The following ZNF423 variants were observed in gnomAD, a reference collection of about 807,000 sequenced individuals.
ZNF423 encodes the protein Ebf-associated zinc finger protein.
ZNF423 carries 12 observed loss-of-function variants against 95.8 expected under a neutral mutation model. The observed-to-expected ratio is 0.13, with a 90% confidence interval of 0.08 to 0.20. ZNF423 has a LOEUF of 0.20. ZNF423 is among the 10% of genes least tolerant of loss of function. ZNF423 has a pLI of 1.00. For synonymous variants in ZNF423, 749 were observed against 711.9 expected (o/e 1.05, Z -0.83); for missense variants, 1,316 against 1,737.1 (o/e 0.76, Z 4.31).
At chr16:49,849,749 TA>T (rs1422239840) in intron 1 of ZNF423, among the ~76,000 whole-genome samples, 1 of 152,108 alleles carries the variant, frequency 6.6e-6, no homozygotes, top group Non-Finnish European at 1.5e-5. Flanking sequence ...ATTATATCTT[TA>T]AAAAGAGAAT....
Position 49,640,456 on chromosome 16 carries a change from A to G in ZNF423, c.302-1582T>C, listed in dbSNP as rs534751908. On this transcript the variant is annotated intron_variant, in intron 3 of 7. Coordinates refer to ENST00000563137, the MANE Select transcript of ZNF423 (RefSeq NM_001379286.1). ...CACATCACAGACCTGTGGTTTCCCT[A>G]CAAGGCTCTCCACACAAGCTGCCTC... Among the ~76,000 whole-genome samples the G allele has an allele frequency of 1.2e-4, 19 of 152,150 alleles. 1 individual carries two copies. In the South Asian group the frequency reaches 3.7e-3, roughly 30 times the overall value.
chr16:49,803,581 G>T (rs558344022), intron 1 of ZNF423, among the ~76,000 whole-genome samples: 5 of 152,198 alleles, frequency 3.3e-5, no homozygotes, highest in East Asian at 3.9e-4. Context: ...AGAAGTCTGC[G>T]CTAGGTAGCA....
chr16:49,833,147 C>G (rs2144063872), intron 1 of ZNF423, among the ~76,000 whole-genome samples: 1 of 152,348 alleles, frequency 6.6e-6, no homozygotes, highest in Non-Finnish European at 1.5e-5. Flanking sequence ...GGTCCACGCA[C>G]AAGCTTGGGG....
At chr16:49,809,841 C>T (rs932332001) in intron 1 of ZNF423, among the ~76,000 whole-genome samples, 2 of 152,068 alleles carry the variant, frequency 1.3e-5, no homozygotes, top group Non-Finnish European at 2.9e-5. Flanking sequence ...AGGGTCCACC[C>T]GGGAGCTCTT....
chr16:49,787,963 A>T (rs2034344450), intron 2 of ZNF423, among the ~76,000 whole-genome samples: 1 of 152,166 alleles, frequency 6.6e-6, no homozygotes, highest in Non-Finnish European at 1.5e-5. Context: ...ACGGCGCCTT[A>T]TGGCCTTGCT....
At chr16:49,537,018 C>T (rs1176238027) in intron 5 of ZNF423, among the ~76,000 whole-genome samples, 5 of 152,330 alleles carry the variant, frequency 3.3e-5, no homozygotes, top group Middle Eastern at 3.4e-3. Flanking sequence ...ACACCTCAGC[C>T]CTTTTGCTGT....
chr16:49,857,364 G>C (rs1033115963), upstream of ZNF423, among the ~76,000 whole-genome samples: 1 of 150,912 alleles, frequency 6.6e-6, no homozygotes, highest in African/African-American at 2.4e-5. This position sits in a 1 kb window ranked among gnomAD's most constrained non-coding sequence, Gnocchi z 6.2. Context: ...ACCAGCACGC[G>C]GGGCCGGGGC....
intron 5 of ZNF423, among the ~76,000 whole-genome samples, chr16:49,532,039 G>A (rs1355648307): frequency 1.3e-5 from 2 of 152,248 alleles, no homozygotes; most frequent in South Asian, 2.1e-4. Context: ...CCGAAGCTGG[G>A]TTTGGGAGCT....
intron 1 of ZNF423, among the ~76,000 whole-genome samples, chr16:49,821,938 A>G (rs1054872840): frequency 1.3e-5 from 2 of 152,152 alleles, no homozygotes; most frequent in African/African-American, 2.4e-5. Context: ...GATGCATTCA[A>G]TGCCTCCAGT....
intron 1 of ZNF423, among the ~76,000 whole-genome samples, chr16:49,822,232 G>A (rs1294566356): frequency 1.3e-5 from 2 of 150,840 alleles, no homozygotes; most frequent in Non-Finnish European, 2.9e-5. Flanking sequence ...GGAGTGCAGT[G>A]GCGTGATTTC....
rs1314930632 is a variant in ZNF423 at position 49,855,446 on chromosome 16, GGCCTGGGTCCCCCAA to G, written c.40+274_40+288del. ...CAAGGGCCCCTTAGCGGCGCCCCCA[GGCCTGGGTCCCCCAA>G]GGGCGACGGCGCCGAGTCCGGGCAG... On this transcript the variant is annotated intron_variant, in intron 1 of 7. Coordinates refer to ENST00000563137, the MANE Select transcript of ZNF423 (RefSeq NM_001379286.1). This position sits in a 1 kb window ranked among gnomAD's most constrained non-coding sequence, Gnocchi z 4.7. Among the ~76,000 whole-genome samples the G allele has an allele frequency of 6.6e-6, 1 of 151,100 alleles. No homozygotes were observed. The highest frequency in any genetic ancestry group is 6.6e-5 in the Admixed American group (1 of 15,194).
intron 3 of ZNF423, among the ~76,000 whole-genome samples, chr16:49,660,245 C>T (rs538061102): frequency 2.6e-4 from 40 of 151,800 alleles, no homozygotes; most frequent in Non-Finnish European, 5.2e-4. Flanking sequence ...ACCTGGCCTA[C>T]GGGAAGCTCT....
intron 3 of ZNF423, among the ~76,000 whole-genome samples, chr16:49,715,129 G>A (rs1182825477): frequency 1.3e-5 from 2 of 152,218 alleles, no homozygotes; most frequent in African/African-American, 4.8e-5. Context: ...CCAGAGACAG[G>A]AACAGGCATG....
chr16:49,852,684 A>T (rs995823182), intron 1 of ZNF423, among the ~76,000 whole-genome samples: 2 of 152,148 alleles, frequency 1.3e-5, no homozygotes, highest in African/African-American at 4.8e-5. Context: ...TGTGACTTTT[A>T]TAACACTCCC....
chr16:49,499,094 C>T (rs1175510543), intron 7 of ZNF423, among the ~76,000 whole-genome samples: 8 of 152,198 alleles, frequency 5.3e-5, no homozygotes, highest in Non-Finnish European at 1.0e-4. Flanking sequence ...CCCAGCAAGC[C>T]GAGGTTTGCC....
At position 49,567,380 on chromosome 16, in the gene ZNF423, C is replaced by T. The variant is rs758058132; in HGVS notation, c.3602-41886G>A. On this transcript the variant is annotated intron_variant, in intron 5 of 7. Transcript: ENST00000563137. ...CACTGCGATGCTCCCATGATGCTGACGCACAGCTCCACAATGTGGAAACAG... is the reference window on the plus strand; with the variant it reads ...CACTGCGATGCTCCCATGATGCTGATGCACAGCTCCACAATGTGGAAACAG... 7.9e-5 allele frequency among the ~76,000 whole-genome samples: 12 copies of T among 152,368 alleles called. 1 individual carries two copies. The South Asian group carries it at 1.4e-3, about 18-fold the overall frequency.
intron 5 of ZNF423, among the ~76,000 whole-genome samples, chr16:49,591,252 TA>T (rs1035663253): frequency 6.6e-6 from 1 of 152,004 alleles, no homozygotes; most frequent in African/African-American, 2.4e-5. Context: ...GTATGGGCAT[TA>T]TGACTCCACT....
intron 7 of ZNF423, chr16:49,517,947 GT>G: frequency 1.5e-5 from 7 of 453,832 alleles, no homozygotes; most frequent in Admixed American, 1.4e-4. Context: ...AAAGACCATT[GT>G]TTTTAGGAGC....
chr16:49,756,168 A>G lies in ZNF423; in HGVS notation c.101-25197T>C, dbSNP rs547749789. Among the ~76,000 whole-genome samples, 7 of 152,212 alleles carry G rather than the reference A, an allele frequency of 4.6e-5. No homozygotes were observed. In the East Asian group the frequency reaches 1.4e-3, roughly 29 times the overall value. On this transcript the variant is annotated intron_variant, in intron 2 of 7. Coordinates refer to ENST00000563137, the MANE Select transcript of ZNF423 (RefSeq NM_001379286.1). ...GAGATGACTGGAAGGTTTCAGAGAC[A>G]AGGGTTTTCAAAACGGACTTGCTGT...
Sources: allele counts gnomAD v4.1 joint callset (sites outside exome capture counted in the v4.1 genomes callset), GRCh38; gene constraint gnomAD v4.1.1; non-coding constraint Gnocchi (gnomAD v3.1); transcripts MANE v1.5; gene names NCBI Gene and HGNC (gene_info 2026-07-23, HGNC 2026-07-21).